CAPN14: variants seen among roughly 807,000 people sequenced by gnomAD.
CAPN14 encodes the protein calpain-14.
Under a neutral mutation model 101.3 loss-of-function variants are expected in CAPN14, and 94 were observed. The observed-to-expected ratio is 0.93, with a 90% CI of 0.79 to 1.10. CAPN14 has a LOEUF of 1.10. CAPN14 is among the 50% of genes least tolerant of loss of function. The pLI, the probability that CAPN14 is intolerant of heterozygous loss-of-function variation, is 0.00. For synonymous variants in CAPN14, 338 were observed against 317.9 expected (o/e 1.06, Z -0.67); for missense variants, 837 against 828.4 (o/e 1.01, Z -0.13).
intron 16 of CAPN14, among the ~76,000 whole-genome samples, chr2:31,182,317 G>A (rs1680686083): frequency 6.7e-6 from 1 of 149,710 alleles, no homozygotes; most frequent in African/African-American, 2.5e-5. Context: ...TCAACATAGT[G>A]TTGGAAGTTC....
chr2:31,217,184 GC>G (rs1283429333), intron 1 of CAPN14, among the ~76,000 whole-genome samples: 1 of 152,136 alleles, frequency 6.6e-6, no homozygotes, highest in African/African-American at 2.4e-5. Flanking sequence ...AATTACCCAG[GC>G]CCAAAGATAC....
At chr2:31,229,506 T>G (rs1424883927) in intron 1 of CAPN14, among the ~76,000 whole-genome samples, 3 of 151,836 alleles carry the variant, frequency 2.0e-5, no homozygotes, top group African/African-American at 7.3e-5. Flanking sequence ...TGAAACTCCA[T>G]CTCTACTAAA....
At chr2:31,199,342 A>G (rs1681634471) in intron 7 of CAPN14, 128 bp downstream of exon 7, 2 of 801,134 alleles carry the variant, frequency 2.5e-6, no homozygotes, top group African/African-American at 3.5e-5. Context: ...ATGCCGAGGC[A>G]CAGGGACCCA....
chr2:31,222,544 T>A (rs921233309), intron 2 of CAPN14, among the ~76,000 whole-genome samples: 12 of 152,200 alleles, frequency 7.9e-5, no homozygotes, highest in African/African-American at 2.9e-4. Flanking sequence ...CTTTACATGA[T>A]TAGTGGAAAA....
upstream of CAPN14, among the ~76,000 whole-genome samples, chr2:31,220,849 G>A (rs549131829): frequency 1.0e-3 from 155 of 152,208 alleles, no homozygotes; most frequent in African/African-American, 3.6e-3. Flanking sequence ...TGTTCGTTTG[G>A]TTATACATTT....
chr2:31,208,659 T>G (rs960954472), intron 1 of CAPN14, among the ~76,000 whole-genome samples: 1 of 152,288 alleles, frequency 6.6e-6, no homozygotes, highest in East Asian at 1.9e-4. Context: ...TGAAACCAGT[T>G]GGCGGTTCTT....
Position 31,204,581 on chromosome 2 carries a change from C to G in CAPN14, c.225+642G>C, listed in dbSNP as rs116202993. ...AGGCCAATGATGTAATCAATCATGC[C>G]TAGGTAATAAAGCCTCTATAAAAAC... On this transcript the variant is annotated intron_variant, in intron 2 of 21. Coordinates refer to ENST00000403897, the MANE Select transcript of CAPN14 (RefSeq NM_001145122.2). 5.1e-3 allele frequency among the ~76,000 whole-genome samples: 778 copies of G among 152,122 alleles called. 8 individuals carry two copies. Among genetic ancestry groups the G allele is most frequent in the African/African-American group, 0.018 (750 of 41,494 alleles).
chr2:31,183,388 A>C (rs142746616), intron 16 of CAPN14, among the ~76,000 whole-genome samples: 50,679 of 151,952 alleles, frequency 0.33, 10,030 homozygotes, highest in African/African-American at 0.55. Context: ...CTGCCATCAG[A>C]GTGAACAGGC....
chr2:31,181,009 G>T lies in CAPN14; in HGVS notation c.1646-9C>A. 15 of 1,551,450 alleles carry T rather than the reference G, an allele frequency of 9.7e-6. No individual in the cohort carries two copies. The highest frequency in any genetic ancestry group is 1.3e-5 in the Non-Finnish European group (15 of 1,146,750). On this transcript the variant is annotated splice_polypyrimidine_tract_variant and intron_variant, in intron 16 of 21. Transcript: ENST00000403897. Reference sequence around the variant, plus strand: ...CTGTCTGCTCCCCAGACCTGTGAAGGAGCGAAAGAGTCCACATGGGGGCTG... The same window carrying T: ...CTGTCTGCTCCCCAGACCTGTGAAGTAGCGAAAGAGTCCACATGGGGGCTG...
At chr2:31,191,544 C>T in intron 11 of CAPN14, 137 bp from the exon 12 acceptor site, 1 of 779,302 alleles carries the variant, frequency 1.3e-6, no homozygotes, top group African/African-American at 1.8e-5. Context: ...AAGCCGTGTC[C>T]CCTCCCACAA....
At chr2:31,222,278 G>A (rs1682882182), upstream of CAPN14, among the ~76,000 whole-genome samples, 1 of 152,182 alleles carries the variant, frequency 6.6e-6, no homozygotes, top group Non-Finnish European at 1.5e-5. Context: ...TTTTTCGAAA[G>A]AGGAAGCAGC....
In CAPN14 at chr2:31,183,854, CCT is replaced by C. The variant is rs1408767307; in HGVS notation, c.1645+2572_1645+2573del. Among the ~76,000 whole-genome samples, 4 of 149,752 alleles carry C rather than the reference CCT, an allele frequency of 2.7e-5. 1 individual carries two copies. Among genetic ancestry groups the C allele is most frequent in the Admixed American group, 1.3e-4 (2 of 15,036 alleles). On this transcript the variant is annotated intron_variant, in intron 16 of 21. Coordinates refer to ENST00000403897, the MANE Select transcript of CAPN14 (RefSeq NM_001145122.2). ...TCTCTCCTTCTTCCCTCCCTCCCTC[CCT>C]CTCTCTCTCTTTCTTTCTTTTCTTT...
intron 7 of CAPN14, among the ~76,000 whole-genome samples, chr2:31,198,590 G>A (rs1183096113): frequency 6.6e-6 from 1 of 152,184 alleles, no homozygotes; most frequent in Non-Finnish European, 1.5e-5. Flanking sequence ...AATAAATATG[G>A]AAATAAATTA....
chr2:31,186,265 A>G (rs1176898236), intron 16 of CAPN14, among the ~76,000 whole-genome samples, 163 bp downstream of exon 16: 1 of 152,200 alleles, frequency 6.6e-6, no homozygotes, highest in African/African-American at 2.4e-5. Context: ...AAATTTCCCT[A>G]CTGCTTTTTC....
At chr2:31,181,632 A>T (rs1420180811) in intron 16 of CAPN14, among the ~76,000 whole-genome samples, 1 of 144,926 alleles carries the variant, frequency 6.9e-6, no homozygotes, top group Non-Finnish European at 1.5e-5. Flanking sequence ...TTAACTCGTC[A>T]TTTAGCATTA....
chr2:31,190,869 C>T (rs1681144045), intron 12 of CAPN14, among the ~76,000 whole-genome samples: 1 of 152,150 alleles, frequency 6.6e-6, no homozygotes, highest in Non-Finnish European at 1.5e-5. Context: ...TTCCTTGGGC[C>T]TTCCTACCTG....
intron 8 of CAPN14, among the ~76,000 whole-genome samples, chr2:31,196,190 T>C (rs1255587023): frequency 3.3e-5 from 5 of 152,224 alleles, no homozygotes; most frequent in Non-Finnish European, 7.3e-5. Flanking sequence ...TAAAAGCTCA[T>C]CATTTTAATA....
chr2:31,188,408 G>C, intron 13 of CAPN14, 54 bp from the exon 14 acceptor site: 1 of 1,514,696 alleles, frequency 6.6e-7, no homozygotes, highest in Non-Finnish European at 9.0e-7. Context: ...GAATTTTTTG[G>C]CCAATCTTCC....
rs568988728 is a variant in CAPN14 at position 31,178,384 on chromosome 2, G to A, written c.1779+127C>T. On this transcript the variant is annotated intron_variant, in intron 18 of 21. Transcript: ENST00000403897. ...CAATAGAGGAAATGCTCACCGAAGG[G>A]AGAATAGAGAAGGTTTGGTGAGGTG... 3 of 717,054 alleles carry A rather than the reference G, an allele frequency of 4.2e-6. No homozygotes were observed. The East Asian group carries it at 8.3e-5, about 20-fold the overall frequency. 44.4% of individuals were successfully genotyped at this position (717,054 alleles called of 1,614,324 possible). A position where few individuals can be genotyped will look rare whatever the true frequency, so the allele number is the denominator to read the frequency against.
Sources: allele counts gnomAD v4.1 joint callset (sites outside exome capture counted in the v4.1 genomes callset), GRCh38; gene constraint gnomAD v4.1.1; transcripts MANE v1.5; gene names NCBI Gene and HGNC (gene_info 2026-07-23, HGNC 2026-07-21).